The following SCUBE1 variants were observed in gnomAD, a reference collection of about 807,000 sequenced individuals.
The protein encoded by SCUBE1 is signal peptide, CUB domain and EGF like domain containing 1.
A neutral mutation model predicts 124.4 loss-of-function variants in SCUBE1; 59 were observed. The observed-to-expected ratio is 0.47, with a 90% CI of 0.38 to 0.59. The LOEUF (loss-of-function observed/expected upper bound fraction) is 0.59. Ranked by LOEUF, SCUBE1 falls within the 20% of genes least tolerant of loss-of-function variation. The probability of loss-of-function intolerance (pLI) is 0.00; values close to 1 mark genes in which losing one functional copy is unlikely to be tolerated. For synonymous variants in SCUBE1, 545 were observed against 550.9 expected, an observed-to-expected ratio of 0.99 and a Z score of 0.15; for missense variants, 1,150 against 1,371.2, an observed-to-expected ratio of 0.84 and a Z score of 2.55.
At chr22:43,339,074 G>T (rs370819455) in intron 2 of SCUBE1, 30 bp downstream of exon 2, 18 of 1,612,032 alleles carry the variant, frequency 1.1e-5, no homozygotes, top group Middle Eastern at 3.3e-4. Flanking sequence ...CAGCCTCAGG[G>T]TCTGCCCGGG....
At chr22:43,310,707 T>C (rs1366521714) in intron 3 of SCUBE1, among the ~76,000 whole-genome samples, 2 of 152,258 alleles carry the variant, frequency 1.3e-5, no homozygotes, top group African/African-American at 4.8e-5. Flanking sequence ...ATTTTACTTT[T>C]CAAAATGGAC....
chr22:43,244,667 C>CA (rs905499940), intron 6 of SCUBE1, among the ~76,000 whole-genome samples: 8 of 152,226 alleles, frequency 5.3e-5, no homozygotes, highest in African/African-American at 1.9e-4. Flanking sequence ...TCAGTGCCAG[C>CA]ACACGGGGGG....
At chr22:43,301,689 A>G (rs936938613) in intron 3 of SCUBE1, among the ~76,000 whole-genome samples, 1 of 152,068 alleles carries the variant, frequency 6.6e-6, no homozygotes, top group East Asian at 1.9e-4. Context: ...CTTCCTTGTG[A>G]CTGTTTCTGT....
At chr22:43,326,485 G>T (rs1379843797) in intron 2 of SCUBE1, among the ~76,000 whole-genome samples, 2 of 152,084 alleles carry the variant, frequency 1.3e-5, no homozygotes, top group East Asian at 3.9e-4. Flanking sequence ...GGTGGCTCGG[G>T]GTTAAGCTCT....
intron 2 of SCUBE1, among the ~76,000 whole-genome samples, chr22:43,324,812 T>A (rs1926669195): frequency 6.6e-6 from 1 of 151,304 alleles, no homozygotes; most frequent in Non-Finnish European, 1.5e-5. Context: ...GCTCTATGGA[T>A]GTTTATTCTT....
Position 43,201,333 on chromosome 22 carries a change from CAAAA to C in SCUBE1, c.*2660_*2663del, listed in dbSNP as rs1213919509. 1.7e-5 allele frequency: 2 copies of C among 116,626 alleles called. No individual in the cohort carries two copies. Among genetic ancestry groups the C allele is most frequent in the African/African-American group, 3.2e-5 (1 of 31,074 alleles). 7.2% of individuals were successfully genotyped at this position (116,626 alleles called of 1,614,324 possible). On this transcript the variant is annotated 3_prime_UTR_variant, in exon 22 of 22. Transcript: ENST00000360835. ...AAAAAAAAAAAAAAAAAAAAGAAAA[CAAAA>C]AAAGAAAACAAAAAACAAAACAAAA...
intron 14 of SCUBE1, among the ~76,000 whole-genome samples, chr22:43,219,260 G>C (rs1921976195): frequency 6.6e-6 from 1 of 152,098 alleles, no homozygotes; most frequent in Middle Eastern, 3.4e-3. Flanking sequence ...GAAGACATAG[G>C]CACCCCCTCC....
At chr22:43,214,047 G>GGGGCCCCC in intron 16 of SCUBE1, 43 bp downstream of exon 16, 1 of 143,440 alleles carries the variant, frequency 7.0e-6, no homozygotes. Context: ...AGGAGCCCCC[G>GGGGCCCCC]CCCACCCCCC....
chr22:43,200,414 G>C lies in SCUBE1; in HGVS notation c.*3583C>G, dbSNP rs1328916204. The C allele has an allele frequency of 4.6e-5, 7 of 152,358 alleles. No individual in the cohort carries two copies. Among genetic ancestry groups the C allele is most frequent in the African/African-American group, 1.7e-4 (7 of 41,462 alleles). The allele number at this position is 152,358 out of a possible 1,614,324, so 9.4% of individuals were successfully genotyped here. On this transcript the variant is annotated 3_prime_UTR_variant, in exon 22 of 22. Coordinates refer to ENST00000360835, the MANE Select transcript of SCUBE1 (RefSeq NM_173050.5). Reference sequence around the variant, plus strand: ...TTCTTGGGCCTCGTTACGTGGATCCGTCCTACCTGGCCCAGTCCTTGTTCC... The same window carrying C: ...TTCTTGGGCCTCGTTACGTGGATCCCTCCTACCTGGCCCAGTCCTTGTTCC...
intron 4 of SCUBE1, chr22:43,282,339 G>C (rs1924949316): frequency 6.6e-6 from 1 of 152,364 alleles, no homozygotes; most frequent in South Asian, 2.1e-4. Context: ...CAGGACGGTG[G>C]ATGGCATCTG....
At chr22:43,227,646 C>CGCGTGTGTGTGCGTGTG in intron 9 of SCUBE1, 150 bp from the exon 10 acceptor site, 1 of 913,694 alleles carries the variant, frequency 1.1e-6, no homozygotes, top group Non-Finnish European at 1.6e-6. Flanking sequence ...GCACACGCCA[C>CGCGTGTGTGTGCGTGTG]ACGCACACAC....
chr22:43,303,361 TGC>T (rs1925846870), intron 3 of SCUBE1, among the ~76,000 whole-genome samples: 1 of 152,236 alleles, frequency 6.6e-6, no homozygotes, highest in Non-Finnish European at 1.5e-5. Context: ...GCCCCATCCA[TGC>T]CCTGCATTGG....
rs1406408950 is a variant in SCUBE1, at chr22:43,221,300, C to G, written c.1433-11G>C. 2.1e-5 allele frequency: 33 copies of G among 1,593,556 alleles called. No individual in the cohort carries two copies. The highest frequency in any genetic ancestry group is 2.8e-5 in the Non-Finnish European group (33 of 1,168,782). On this transcript the variant is annotated splice_polypyrimidine_tract_variant and intron_variant, in intron 12 of 21. Coordinates refer to ENST00000360835, the MANE Select transcript of SCUBE1 (RefSeq NM_173050.5). ...GGGTGGTGGGGGCATCTGGGGAAAG[C>G]CAAAATTCCCCCAGGTGGTGGCCTC...
chr22:43,320,140 C>A, intron 2 of SCUBE1, 75 bp from the exon 3 acceptor site: 1 of 1,575,818 alleles, frequency 6.3e-7, no homozygotes, highest in South Asian at 1.1e-5. Flanking sequence ...TGGAAGCCAC[C>A]GGGATCTGAG....
chr22:43,275,020 T>C (rs1216123752), intron 4 of SCUBE1, among the ~76,000 whole-genome samples: 1 of 152,146 alleles, frequency 6.6e-6, no homozygotes, highest in Non-Finnish European at 1.5e-5. Context: ...GTCGCTGCAC[T>C]CAACAGACAA....
rs150650842 is a variant in SCUBE1, at chr22:43,309,613, T to C, written c.349+10324A>G. ...TCCCCCGGGTTTGACTACAGACTTC[T>C]AAGCTTGTGCACCATCTCCATTTCG... On this transcript the variant is annotated intron_variant, in intron 3 of 21. Transcript: ENST00000360835. Among the ~76,000 whole-genome samples, 623 of 152,306 alleles carry C rather than the reference T, an allele frequency of 4.1e-3. 10 individuals are homozygous for C. In the South Asian group the frequency reaches 0.059, roughly 15 times the overall value.
intron 2 of SCUBE1, among the ~76,000 whole-genome samples, chr22:43,321,350 T>C (rs1311526089): frequency 6.6e-6 from 1 of 152,194 alleles, no homozygotes; most frequent in African/African-American, 2.4e-5. Flanking sequence ...TCCATGCTGG[T>C]CTGGAGAGCA....
intron 7 of SCUBE1, among the ~76,000 whole-genome samples, chr22:43,237,215 C>T (rs73420073): frequency 0.026 from 4,031 of 152,212 alleles, 140 homozygotes; most frequent in African/African-American, 0.081. Context: ...CTTGGGCTAC[C>T]GAGGGATGGT....
rs868388102 is a variant in SCUBE1, at chr22:43,255,291, C to T, written c.727+2928G>A. Among the ~76,000 whole-genome samples the T allele has an allele frequency of 4.6e-5, 7 of 152,164 alleles. No individual in the cohort carries two copies. Among genetic ancestry groups the T allele is most frequent in the Admixed American group, 2.6e-4 (4 of 15,278 alleles). ...AGTTCACACCTGGAGTGGAGCCCCC[C>T]GCACTCACACGACACGCAGGACTGC... is the stretch of plus-strand genomic sequence containing the variant. On this transcript the variant is annotated intron_variant, in intron 6 of 21. Transcript: ENST00000360835. The surrounding 1 kb of genome is among the most constrained non-coding windows in gnomAD (Gnocchi z 4.7).
Sources: gnomAD v4.1 joint callset for allele counts (sites outside exome capture counted in the v4.1 genomes callset) on GRCh38, gnomAD v4.1.1 for gene constraint, Gnocchi (gnomAD v3.1) non-coding constraint, MANE v1.5 for transcripts, NCBI Gene and HGNC (gene_info 2026-07-23, HGNC 2026-07-21) for gene names.